The following NF1 variants were observed in gnomAD, a reference collection of about 807,000 sequenced individuals.
NF1 encodes neurofibromin 1, also known as neurofibromin.
A neutral mutation model predicts 325.7 loss-of-function variants in NF1; 122 were observed. The observed-to-expected ratio is 0.37, with a 90% CI of 0.32 to 0.44. The LOEUF (loss-of-function observed/expected upper bound fraction) is 0.44, where lower values mean the gene tolerates loss of function less well. NF1 is among the 20% of genes least tolerant of loss of function. NF1 has a pLI of 1.00. For synonymous variants in NF1, 1,091 were observed against 1,186.0 expected (o/e 0.92, Z 1.65); for missense variants, 2,140 against 3,415.4 (o/e 0.63, Z 9.31).
At chr17:31,095,414 G>A (rs1325444411) in intron 1 of NF1, 45 bp downstream of exon 1, 1 of 1,526,576 alleles carries the variant, frequency 6.6e-7, no homozygotes, top group African/African-American at 1.4e-5. Context: ...GAGTGGGGGT[G>A]GGGACAGAGT....
At chr17:31,305,320 G>A (rs1485077087) in intron 36 of NF1, 1 of 1,614,190 alleles carries the variant, frequency 6.2e-7, no homozygotes, top group South Asian at 1.1e-5. Flanking sequence ...TTGTCCAGCA[G>A]AAGTATGTGC....
At position 31,374,368 on chromosome 17, in the gene NF1, T is replaced by A. The variant is rs1452651735; in HGVS notation, c.*213T>A. On this transcript the variant is annotated 3_prime_UTR_variant, in exon 58 of 58. Transcript: ENST00000358273. Reference sequence around the variant, plus strand: ...TCTTTAACTTTTTTTCTTCTACTTTTGGCGTGTATCTGGTATATGTAAGTG... The same window carrying A: ...TCTTTAACTTTTTTTCTTCTACTTTAGGCGTGTATCTGGTATATGTAAGTG... 1 of 626,928 alleles carries A rather than the reference T, an allele frequency of 1.6e-6. No individual in the cohort carries two copies. The highest frequency in any genetic ancestry group is 2.7e-5 in the Admixed American group (1 of 37,692). The allele number at this position is 626,928 out of a possible 1,614,324, so 38.8% of individuals were successfully genotyped here. A position where few individuals can be genotyped will look rare whatever the true frequency, so the allele number is the denominator to read the frequency against.
At chr17:31,261,903 G>A (rs748568069) in intron 35 of NF1, 46 bp downstream of exon 35, 1 of 1,605,970 alleles carries the variant, frequency 6.2e-7, no homozygotes, top group East Asian at 2.2e-5. Flanking sequence ...TTTTGGTTGA[G>A]AAGGAGAGTT....
rs1002178250 is a variant in NF1, at chr17:31,376,134, G to A, written c.*1979G>A. ...GATGCCAAGCTGCCACCATGGTCTT[G>A]GCTCTCCCACAACCCAGTGTTTCTG... On this transcript the variant is annotated 3_prime_UTR_variant, in exon 58 of 58. Coordinates refer to ENST00000358273, the MANE Select transcript of NF1 (RefSeq NM_001042492.3). 2.6e-5 allele frequency: 6 copies of A among 232,884 alleles called. No homozygotes were observed. The highest frequency in any genetic ancestry group is 1.3e-4 in the African/African-American group (6 of 45,306). The allele number at this position is 232,884 out of a possible 1,614,324, so 14.4% of individuals were successfully genotyped here.
At chr17:31,364,537 G>T (rs1453997210) in intron 57 of NF1, among the ~76,000 whole-genome samples, 2 of 152,142 alleles carry the variant, frequency 1.3e-5, no homozygotes, top group African/African-American at 4.8e-5. Context: ...CCAGCATTAG[G>T]TCTTACTTAA....
At chr17:31,218,972 T>TA in intron 13 of NF1, 33 bp from the exon 14 acceptor site, 1 of 1,571,256 alleles carries the variant, frequency 6.4e-7, no homozygotes, top group Non-Finnish European at 8.7e-7. Context: ...TTTATTTATT[T>TA]TTTTAATTGA....
At chr17:31,181,688 A>G (rs372215771) in intron 6 of NF1, 22 bp from the exon 7 acceptor site, 16 of 1,553,494 alleles carry the variant, frequency 1.0e-5, no homozygotes, top group Non-Finnish European at 1.4e-5. Flanking sequence ...CACTGTAAAG[A>G]CATGTGGTTC....
chr17:31,174,342 C>A (rs2065982027), intron 5 of NF1, among the ~76,000 whole-genome samples: 1 of 152,138 alleles, frequency 6.6e-6, no homozygotes, highest in Admixed American at 6.5e-5. Context: ...AGGATGAAGG[C>A]ACTTTCGTAT....
intron 50 of NF1, among the ~76,000 whole-genome samples, chr17:31,352,020 A>G (rs2151576478): frequency 6.6e-6 from 1 of 152,304 alleles, no homozygotes; most frequent in Admixed American, 6.5e-5. Context: ...AAATTGCAGT[A>G]CAGATCTTTT....
intron 1 of NF1, among the ~76,000 whole-genome samples, chr17:31,101,608 T>G (rs1435066792): frequency 6.6e-6 from 1 of 152,174 alleles, no homozygotes; most frequent in Non-Finnish European, 1.5e-5. Context: ...TCATGCTTCT[T>G]CCCACTTCTT....
At position 31,327,605 on chromosome 17, in the gene NF1, G is replaced by A. The variant is rs1263046457; in HGVS notation, c.5375G>A (p.Cys1792Tyr). The A allele has an allele frequency of 6.2e-7, 1 of 1,614,028 alleles. No individual in the cohort carries two copies. The highest frequency in any genetic ancestry group is 8.5e-7 in the Non-Finnish European group (1 of 1,180,040). ...TATGCTTCGGAAATTGAAGAAATCT[G>A]CCTAGTAGATGAGAACCAGTTCACC... ...IYYASEIEEI[C>Y]LVDENQFTLT... The change falls in exon 38 of 58, where the codon TGC (cysteine) becomes TAC (tyrosine). Residue 1792 changes from cysteine to tyrosine, a missense_variant. By Grantham distance (194) the Cys-to-Tyr change is radical. This residue lies in a region of NF1 where 147 missense variants were observed against 186.7 expected (regional missense o/e 0.79). Coordinates refer to ENST00000358273, the MANE Select transcript of NF1 (RefSeq NM_001042492.3).
At chr17:31,285,345 G>A (rs1253565320) in intron 36 of NF1, among the ~76,000 whole-genome samples, 2 of 150,344 alleles carry the variant, frequency 1.3e-5, no homozygotes, top group African/African-American at 4.9e-5. Context: ...CCAAATGAAC[G>A]TTGTTCATCT....
rs145930693 is a variant in NF1, at chr17:31,207,928, C to T, written c.1392+1557C>T. ...TTGTTGGGGGGTTAATATTCACTTC[C>T]TATTTAACTTCAATATCCACTTTAC... On this transcript the variant is annotated intron_variant, in intron 12 of 57. Coordinates refer to ENST00000358273, the MANE Select transcript of NF1 (RefSeq NM_001042492.3). Among the ~76,000 whole-genome samples, 305 of 152,198 alleles carry T rather than the reference C, an allele frequency of 2.0e-3. 2 individuals are homozygous for T. The highest frequency in any genetic ancestry group is 7.2e-3 in the African/African-American group (297 of 41,538).
intron 57 of NF1, among the ~76,000 whole-genome samples, chr17:31,371,929 G>T (rs1459256897): frequency 6.6e-6 from 1 of 152,188 alleles, no homozygotes; most frequent in South Asian, 2.1e-4. Context: ...CTCTTGAGTC[G>T]AATTCAGAGC....
chr17:31,362,197 C>A, intron 57 of NF1: 1 of 444,084 alleles, frequency 2.3e-6, no homozygotes, highest in Non-Finnish European at 3.0e-6. Context: ...ATTGGAGAAG[C>A]ACTGCCCTGG....
intron 57 of NF1, among the ~76,000 whole-genome samples, chr17:31,363,088 G>GA (rs2070433659): frequency 6.6e-6 from 1 of 152,176 alleles, no homozygotes; most frequent in African/African-American, 2.4e-5. Flanking sequence ...ACTATACACA[G>GA]AAGAGATGAG....
intron 8 of NF1, among the ~76,000 whole-genome samples, chr17:31,199,149 A>G (rs1416203404): frequency 1.3e-5 from 2 of 151,528 alleles, no homozygotes; most frequent in African/African-American, 4.9e-5. Context: ...CTCTTTTTCT[A>G]GTTCCTTGAG....
intron 1 of NF1, among the ~76,000 whole-genome samples, chr17:31,131,059 C>G (rs1915342421): frequency 6.6e-6 from 1 of 152,196 alleles, no homozygotes; most frequent in African/African-American, 2.4e-5. Flanking sequence ...TCAGGTCACA[C>G]CACCCCCACC....
At chr17:31,330,226 G>A (rs929126436) in intron 38 of NF1, 70 bp from the exon 39 acceptor site, 1 of 1,281,106 alleles carries the variant, frequency 7.8e-7, no homozygotes, top group African/African-American at 1.5e-5. Context: ...CAAATTGTAT[G>A]TTATGAAAAA....
Sources: gnomAD v4.1 joint callset for allele counts (sites outside exome capture counted in the v4.1 genomes callset) on GRCh38, gnomAD v4.1.1 for gene constraint, gnomAD v4.1.1 regional missense constraint, MANE v1.5 for transcripts, NCBI Gene and HGNC (gene_info 2026-07-23, HGNC 2026-07-21) for gene names.